SHB: variants seen among roughly 807,000 people sequenced by gnomAD.
SHB encodes the protein SH2 domain containing adaptor protein B.
A neutral mutation model predicts 52.3 loss-of-function variants in SHB; 20 were observed. That is an observed-to-expected ratio of 0.38 (90% confidence interval 0.27 to 0.56). The LOEUF is 0.56. Among genes scored for constraint, SHB ranks in the 20% least tolerant of loss-of-function variants. The pLI is 0.71. For missense variants in SHB, 825 were observed against 723.3 expected (o/e 1.14, Z -1.61); for synonymous variants, 397 against 316.5 (o/e 1.25, Z -2.70).
At chr9:38,012,955 G>A (rs1007193224) in intron 2 of SHB, among the ~76,000 whole-genome samples, 2 of 151,488 alleles carry the variant, frequency 1.3e-5, no homozygotes, top group South Asian at 2.1e-4. Context: ...AAAGCTTCAC[G>A]TCAGCTCTGC....
At chr9:37,942,324 TGGA>T (rs1289492328) in intron 5 of SHB, among the ~76,000 whole-genome samples, 1 of 152,194 alleles carries the variant, frequency 6.6e-6, no homozygotes, top group Non-Finnish European at 1.5e-5. Context: ...CTTCCCTCCT[TGGA>T]GGAGATGGGA....
chr9:38,028,100 C>A (rs564914819), intron 1 of SHB, among the ~76,000 whole-genome samples: 14 of 152,140 alleles, frequency 9.2e-5, no homozygotes, highest in Non-Finnish European at 1.5e-4. Context: ...CAGAAGCCAC[C>A]CTCCCTAGTG....
At chr9:37,986,219 T>G (rs1253758606) in intron 2 of SHB, among the ~76,000 whole-genome samples, 1 of 151,828 alleles carries the variant, frequency 6.6e-6, no homozygotes, top group African/African-American at 2.4e-5. Flanking sequence ...TGGGCCCAGG[T>G]GTAGAAGGCT....
chr9:38,001,276 G>A (rs977643120), intron 2 of SHB, among the ~76,000 whole-genome samples: 7 of 152,294 alleles, frequency 4.6e-5, no homozygotes, highest in African/African-American at 1.4e-4. Flanking sequence ...AATCTCAAGT[G>A]AGCCTGTGTG....
At chr9:38,021,891 C>A (rs544564805) in intron 1 of SHB, among the ~76,000 whole-genome samples, 1 of 152,328 alleles carries the variant, frequency 6.6e-6, no homozygotes, top group African/African-American at 2.4e-5. Context: ...CATCCGCCAC[C>A]CTGCTAAGGC....
At position 37,955,971 on chromosome 9, in the gene SHB, C is replaced by A. The variant is rs137873117; in HGVS notation, c.1138G>T (p.Gly380Cys). The change falls in exon 4 of 6, where the codon GGC becomes TGC. Residue 380 changes from glycine (G) to cysteine (C), a missense_variant. Transcript: ENST00000377707. ...RRRQLRAPGG[G>C]FKPIKHGSPE... is the part of the protein sequence containing the mutation. ...CTCCCATGTTTGATAGGCTTAAAGC[C>A]CCCTCCAGGGGCACGAAGCTGGCGC... 3 of 1,609,808 alleles carry A rather than the reference C, an allele frequency of 1.9e-6. No individual in the cohort carries two copies. The African/African-American group carries it at 4.0e-5, about 21-fold the overall frequency.
chr9:37,973,429 GT>G (rs1479671948), intron 3 of SHB, among the ~76,000 whole-genome samples: 1 of 152,016 alleles, frequency 6.6e-6, no homozygotes, highest in Non-Finnish European at 1.5e-5. Context: ...CTCCATGTTG[GT>G]CAGGCTGGTC....
At chr9:37,965,058 C>T (rs983467567) in intron 3 of SHB, among the ~76,000 whole-genome samples, 6 of 152,216 alleles carry the variant, frequency 3.9e-5, no homozygotes, top group Admixed American at 1.3e-4. Flanking sequence ...TTTCCCCATC[C>T]ACAAGCCCAA....
intron 2 of SHB, among the ~76,000 whole-genome samples, chr9:37,975,353 C>T (rs1820642218): frequency 6.6e-6 from 1 of 152,230 alleles, no homozygotes; most frequent in African/African-American, 2.4e-5. Flanking sequence ...GACCAGAGGC[C>T]ACTTTTCTCC....
intron 4 of SHB, 72 bp downstream of exon 4, chr9:37,955,811 G>A: frequency 6.9e-7 from 1 of 1,439,004 alleles, no homozygotes; most frequent in South Asian, 1.2e-5. Context: ...TTTAAAAGAA[G>A]ATGACATGAA....
Position 37,974,824 on chromosome 9 carries a change from C to T in SHB, c.852G>A (p.Gln284=). The T allele has an allele frequency of 6.2e-7, 1 of 1,614,086 alleles. No individual in the cohort carries two copies. The highest frequency in any genetic ancestry group is 2.2e-5 in the East Asian group (1 of 44,882). Residue 284 remains glutamine, a synonymous_variant, in exon 3 of 6, where the codon CAG becomes CAA. Transcript: ENST00000377707. ...CTTTATGCTGGGACCGGACACTTTCCTGCCTCTGAAATTCTGCAGGCAAAA... is the reference window on the plus strand; with the variant it reads ...CTTTATGCTGGGACCGGACACTTTCTTGCCTCTGAAATTCTGCAGGCAAAA... The part of the protein sequence containing the change: ...AQRIMTEFQR[Q]ESVRSQHKGI...
chr9:37,956,118 C>T, intron 3 of SHB, 64 bp from the exon 4 acceptor site: 1 of 1,468,860 alleles, frequency 6.8e-7, no homozygotes, highest in Non-Finnish European at 9.3e-7. Flanking sequence ...CTGTGAGGCA[C>T]AGAAGGGTAA....
chr9:37,966,058 C>G (rs1393091540), intron 3 of SHB, among the ~76,000 whole-genome samples: 1 of 152,150 alleles, frequency 6.6e-6, no homozygotes, highest in Non-Finnish European at 1.5e-5. Context: ...AGGCTGGTCT[C>G]GAGCTCCTGA....
At chr9:38,040,483 C>T (rs953274511) in intron 1 of SHB, among the ~76,000 whole-genome samples, 7 of 152,214 alleles carry the variant, frequency 4.6e-5, no homozygotes, top group African/African-American at 7.2e-5. Flanking sequence ...ACAGGGTCAG[C>T]CAGAGCTCCG....
chr9:37,979,749 G>A (rs1820700948), intron 2 of SHB, among the ~76,000 whole-genome samples: 1 of 152,116 alleles, frequency 6.6e-6, no homozygotes. Context: ...TTGAGGTCAA[G>A]AGTCCGAGAC....
Position 38,068,346 on chromosome 9 carries a change from G to A in SHB, c.300C>T (p.Gly100=), listed in dbSNP as rs1176733240. 1.3e-6 allele frequency: 2 copies of A among 1,560,114 alleles called. No homozygotes were observed. The highest frequency in any genetic ancestry group is 8.6e-7 in the Non-Finnish European group (1 of 1,157,740). ...TGGCGCGCAGTTTGCGCAGCGACGA[G>A]CCAGGCCCGTTGTAGGGGTCCTCGA... is the stretch of plus-strand genomic sequence containing the variant. The part of the protein sequence containing the change: ...RDFEDPYNGP[G]SSLRKLRAMC... The change falls in exon 1 of 6, where the codon GGC becomes GGT. Residue 100 remains glycine, a synonymous_variant. Coordinates refer to ENST00000377707, the MANE Select transcript of SHB (RefSeq NM_003028.3).
intron 2 of SHB, among the ~76,000 whole-genome samples, chr9:37,988,658 T>C (rs757639336): frequency 4.6e-5 from 7 of 152,210 alleles, no homozygotes; most frequent in Non-Finnish European, 7.3e-5. Context: ...TGTGTCAACA[T>C]GGTTGTCCTA....
chr9:38,051,781 C>G (rs576307877), intron 1 of SHB, among the ~76,000 whole-genome samples: 1 of 152,288 alleles, frequency 6.6e-6, no homozygotes, highest in East Asian at 1.9e-4. Context: ...CGAGCTCTGC[C>G]GGTCAGAGTG....
intron 1 of SHB, among the ~76,000 whole-genome samples, chr9:38,028,448 G>C (rs146912242): frequency 1.1e-4 from 17 of 152,254 alleles, no homozygotes; most frequent in African/African-American, 3.9e-4. Flanking sequence ...TGGGGTGCTG[G>C]AAACCCAGGC....
Sources: gnomAD v4.1 joint callset for allele counts (sites outside exome capture counted in the v4.1 genomes callset) on GRCh38, gnomAD v4.1.1 for gene constraint, MANE v1.5 for transcripts, NCBI Gene and HGNC (gene_info 2026-07-23, HGNC 2026-07-21) for gene names.